KCNAB1: variants seen among roughly 807,000 people sequenced by gnomAD.
KCNAB1 encodes voltage-gated potassium channel subunit beta-1.
KCNAB1 carries 35 observed loss-of-function variants against 64.6 expected under a neutral mutation model. The observed-to-expected ratio is 0.54, with a 90% confidence interval of 0.41 to 0.72. The LOEUF is 0.72. Ranked by LOEUF, KCNAB1 falls within the 30% of genes least tolerant of loss-of-function variation. The probability of loss-of-function intolerance (pLI) is 0.00; values close to 1 mark genes in which losing one functional copy is unlikely to be tolerated. For synonymous variants in KCNAB1, 177 were observed against 183.8 expected, an observed-to-expected ratio of 0.96 and a Z score of 0.30; for missense variants, 401 against 512.9, an observed-to-expected ratio of 0.78 and a Z score of 2.11.
At chr3:156,450,077 T>C (rs1220267402) in intron 2 of KCNAB1, among the ~76,000 whole-genome samples, 1 of 152,216 alleles carries the variant, frequency 6.6e-6, no homozygotes, top group East Asian at 1.9e-4. Flanking sequence ...ATTAGTGGTA[T>C]TAATTACTGA....
intron 3 of KCNAB1, among the ~76,000 whole-genome samples, chr3:156,453,659 G>A (rs760465653): frequency 4.7e-4 from 72 of 152,050 alleles, no homozygotes; most frequent in Non-Finnish European, 9.6e-4. Flanking sequence ...TACCTTCATG[G>A]CATAAGTGAG....
intron 2 of KCNAB1, chr3:156,446,175 A>G (rs1711535966): frequency 6.6e-6 from 1 of 152,148 alleles, no homozygotes; most frequent in South Asian, 2.1e-4. Context: ...CCATAGCTCA[A>G]AGGAGAACAT....
chr3:156,299,077 C>T lies in KCNAB1; in HGVS notation c.276-122539C>T, dbSNP rs1207051818. Reference sequence around the variant, plus strand: ...TAGATTGGCCAGTTAGTTCCTTGGTCAGAGTTACCCATGAAGTTGGGCAGA... The same window carrying T: ...TAGATTGGCCAGTTAGTTCCTTGGTTAGAGTTACCCATGAAGTTGGGCAGA... On this transcript the variant is annotated intron_variant, in intron 1 of 13. Transcript: ENST00000490337. 3.3e-5 allele frequency among the ~76,000 whole-genome samples: 5 copies of T among 152,212 alleles called. 1 individual carries two copies. Among genetic ancestry groups the T allele is most frequent in the African/African-American group, 1.2e-4 (5 of 41,460 alleles).
intron 7 of KCNAB1, among the ~76,000 whole-genome samples, chr3:156,471,277 A>T (rs1713867681): frequency 6.6e-6 from 1 of 152,250 alleles, no homozygotes; most frequent in Non-Finnish European, 1.5e-5. Flanking sequence ...TGTGAAATAC[A>T]CTTAAATTGA....
chr3:156,385,039 T>C (rs1219038112), intron 1 of KCNAB1, among the ~76,000 whole-genome samples: 2 of 152,228 alleles, frequency 1.3e-5, no homozygotes, highest in East Asian at 3.8e-4. Context: ...ACCAACCTCC[T>C]CATGAATTTA....
At chr3:156,436,060 C>T (rs1449360605) in intron 2 of KCNAB1, among the ~76,000 whole-genome samples, 1 of 152,126 alleles carries the variant, frequency 6.6e-6, no homozygotes, top group Non-Finnish European at 1.5e-5. Context: ...TTTCCTGATG[C>T]TCTCCCTACC....
At chr3:156,416,492 A>G (rs577187154) in intron 1 of KCNAB1, among the ~76,000 whole-genome samples, 1 of 152,282 alleles carries the variant, frequency 6.6e-6, no homozygotes, top group South Asian at 2.1e-4. Context: ...TTTGGATCTC[A>G]GTTTAAATAT....
At chr3:156,225,181 A>G (rs1242394046) in intron 1 of KCNAB1, among the ~76,000 whole-genome samples, 1 of 152,224 alleles carries the variant, frequency 6.6e-6, no homozygotes, top group African/African-American at 2.4e-5. Flanking sequence ...AGAAAATGCT[A>G]GGGAACCAAG....
chr3:156,222,227 C>T lies in KCNAB1; in HGVS notation c.275+101341C>T, dbSNP rs115748990. Among the ~76,000 whole-genome samples, 904 of 152,092 alleles carry T rather than the reference C, an allele frequency of 5.9e-3. 10 individuals carry two copies. The highest frequency in any genetic ancestry group is 0.021 in the African/African-American group (860 of 41,498). ...CACGTAAACTTAAGGTAAAGGGGGG[C>T]GGGAAGAAGATATTCCCTGCAAATG... is the stretch of plus-strand genomic sequence containing the variant. On this transcript the variant is annotated intron_variant, in intron 1 of 13. Coordinates refer to ENST00000490337, the MANE Select transcript of KCNAB1 (RefSeq NM_172160.3).
chr3:156,397,990 C>G (rs1177702054), intron 1 of KCNAB1, among the ~76,000 whole-genome samples: 1 of 152,130 alleles, frequency 6.6e-6, no homozygotes, highest in African/African-American at 2.4e-5. Context: ...TCAGGAAAAC[C>G]AGGCACCTCC....
chr3:156,195,739 C>T (rs765201210), intron 1 of KCNAB1, among the ~76,000 whole-genome samples: 6 of 152,054 alleles, frequency 3.9e-5, no homozygotes, highest in Admixed American at 1.3e-4. Context: ...CTGTAGATTG[C>T]CTGTTCACTC....
intron 1 of KCNAB1, among the ~76,000 whole-genome samples, chr3:156,301,550 T>C (rs1721154030): frequency 6.6e-6 from 1 of 152,226 alleles, no homozygotes; most frequent in Admixed American, 6.5e-5. Flanking sequence ...AATGAACTGC[T>C]ACTCTAAAGA....
chr3:156,385,428 C>G (rs1264622681), intron 1 of KCNAB1, among the ~76,000 whole-genome samples: 2 of 139,622 alleles, frequency 1.4e-5, no homozygotes, highest in Non-Finnish European at 3.0e-5. Flanking sequence ...AAAGGAGGAT[C>G]TTGTTGGATG....
intron 1 of KCNAB1, among the ~76,000 whole-genome samples, chr3:156,383,371 A>G (rs188524267): frequency 6.6e-6 from 1 of 152,270 alleles, no homozygotes; most frequent in African/African-American, 2.4e-5. Context: ...CTGGGTGAAG[A>G]TGGTCCCTTA....
At chr3:156,257,172 A>G (rs1421795209) in intron 1 of KCNAB1, among the ~76,000 whole-genome samples, 1 of 152,186 alleles carries the variant, frequency 6.6e-6, no homozygotes, top group African/African-American at 2.4e-5. Context: ...GACTTGATTG[A>G]ATCACAGTGT....
At chr3:156,488,295 T>A (rs1200238306) in intron 8 of KCNAB1, among the ~76,000 whole-genome samples, 8 of 140,868 alleles carry the variant, frequency 5.7e-5, no homozygotes, top group South Asian at 2.2e-4. Context: ...ATGGGTGCTA[T>A]AAAAAAAAAA....
At chr3:156,506,882 C>T (rs557240316) in intron 8 of KCNAB1, among the ~76,000 whole-genome samples, 12 of 151,100 alleles carry the variant, frequency 7.9e-5, no homozygotes, top group Non-Finnish European at 1.5e-4. Context: ...AGTTTTTCTT[C>T]GAAAAAAAAC....
At chr3:156,326,624 T>C (rs1439123124) in intron 1 of KCNAB1, among the ~76,000 whole-genome samples, 2 of 152,164 alleles carry the variant, frequency 1.3e-5, no homozygotes, top group African/African-American at 4.8e-5. Context: ...ACTACAACTA[T>C]GATACAGTCT....
intron 8 of KCNAB1, among the ~76,000 whole-genome samples, chr3:156,498,577 C>G (rs1188282767): frequency 6.6e-6 from 1 of 152,212 alleles, no homozygotes; most frequent in Non-Finnish European, 1.5e-5. Flanking sequence ...TCCAGTAAAC[C>G]TCTTTCTTTT....
Sources: allele counts gnomAD v4.1 joint callset (sites outside exome capture counted in the v4.1 genomes callset), GRCh38; gene constraint gnomAD v4.1.1; transcripts MANE v1.5; gene names NCBI Gene and HGNC (gene_info 2026-07-23, HGNC 2026-07-21).